THSD7B: variants seen among roughly 807,000 people sequenced by gnomAD.
The protein encoded by THSD7B is thrombospondin type 1 domain containing 7B.
A neutral mutation model predicts 213.6 loss-of-function variants in THSD7B; 138 were observed. That is an observed-to-expected ratio of 0.65 (90% CI 0.56 to 0.74). The LOEUF is 0.74. Ranked by LOEUF, THSD7B falls within the 30% of genes least tolerant of loss-of-function variation. THSD7B has a pLI of 0.00. For missense variants in THSD7B, 1,931 were observed against 1,991.5 expected, an observed-to-expected ratio of 0.97 and a Z score of 0.58; for synonymous variants, 742 against 687.0, an observed-to-expected ratio of 1.08 and a Z score of -1.25.
At chr2:137,325,085 G>T (rs188700835) in intron 12 of THSD7B, among the ~76,000 whole-genome samples, 1 of 152,362 alleles carries the variant, frequency 6.6e-6, no homozygotes, top group African/African-American at 2.4e-5. Flanking sequence ...GCTATAGAAA[G>T]AAGTCACTGG....
intron 5 of THSD7B, among the ~76,000 whole-genome samples, chr2:137,156,846 G>T (rs1385814596): frequency 6.6e-6 from 1 of 152,160 alleles, no homozygotes; most frequent in Non-Finnish European, 1.5e-5. Flanking sequence ...TTGAACTGCA[G>T]GGCCCAACAT....
chr2:136,969,273 T>A (rs1044465740), intron 2 of THSD7B, among the ~76,000 whole-genome samples: 2 of 152,172 alleles, frequency 1.3e-5, no homozygotes, highest in Admixed American at 1.3e-4. Context: ...GTCTCTTTAG[T>A]GAGAAATGTC....
At chr2:137,419,760 T>G (rs184360831) in intron 14 of THSD7B, among the ~76,000 whole-genome samples, 100 of 151,998 alleles carry the variant, frequency 6.6e-4, no homozygotes, top group South Asian at 1.5e-3. Context: ...TACCCAGGAC[T>G]GTCTTCAGCT....
At chr2:137,281,039 G>C (rs1282144098) in intron 12 of THSD7B, among the ~76,000 whole-genome samples, 1 of 152,146 alleles carries the variant, frequency 6.6e-6, no homozygotes, top group Admixed American at 6.6e-5. Flanking sequence ...AATGGATACA[G>C]AGTAGGTACT....
At chr2:137,023,796 G>A (rs1686491570) in intron 2 of THSD7B, among the ~76,000 whole-genome samples, 1 of 152,098 alleles carries the variant, frequency 6.6e-6, no homozygotes, top group Non-Finnish European at 1.5e-5. Context: ...GTTTGTAGTT[G>A]GAGGAATTGT....
chr2:137,305,985 T>C (rs1358641494), intron 12 of THSD7B, among the ~76,000 whole-genome samples: 1 of 152,020 alleles, frequency 6.6e-6, no homozygotes, highest in Admixed American at 6.6e-5. Flanking sequence ...AAAGGTACAA[T>C]AAAATATAGT....
chr2:137,523,461 A>T (rs1185930692), intron 15 of THSD7B, among the ~76,000 whole-genome samples: 1 of 152,210 alleles, frequency 6.6e-6, no homozygotes, highest in African/African-American at 2.4e-5. Context: ...ACAGAAAAGG[A>T]AGGGAACTGG....
At chr2:137,088,828 C>A (rs528270364) in intron 3 of THSD7B, among the ~76,000 whole-genome samples, 1 of 152,128 alleles carries the variant, frequency 6.6e-6, no homozygotes, top group South Asian at 2.1e-4. Flanking sequence ...ATAGACAATT[C>A]TCAAAAGAAG....
At chr2:136,942,021 G>A (rs562711360) in intron 2 of THSD7B, among the ~76,000 whole-genome samples, 232 of 152,292 alleles carry the variant, frequency 1.5e-3, no homozygotes, top group African/African-American at 5.5e-3. Flanking sequence ...ATTAATTTTT[G>A]TATAAGGTGT....
At chr2:137,651,711 T>TA (rs1390882912) in intron 21 of THSD7B, among the ~76,000 whole-genome samples, 3 of 152,202 alleles carry the variant, frequency 2.0e-5, no homozygotes, top group African/African-American at 7.2e-5. Flanking sequence ...ACTTCCCTCT[T>TA]AATACTGCTT....
At chr2:137,107,877 A>G (rs1410373459) in intron 4 of THSD7B, among the ~76,000 whole-genome samples, 7 of 152,204 alleles carry the variant, frequency 4.6e-5, no homozygotes, top group African/African-American at 1.4e-4. Flanking sequence ...CACTTTATCC[A>G]ATAAAAAATT....
intron 1 of THSD7B, among the ~76,000 whole-genome samples, chr2:136,837,825 AC>A (rs1192215742): frequency 7.2e-5 from 11 of 152,094 alleles, no homozygotes; most frequent in African/African-American, 2.4e-4. Flanking sequence ...ATATCCTCCT[AC>A]CTTGCAATTA....
At chr2:136,956,974 A>C (rs969135174) in intron 2 of THSD7B, among the ~76,000 whole-genome samples, 3 of 152,208 alleles carry the variant, frequency 2.0e-5, no homozygotes, top group Admixed American at 6.5e-5. Flanking sequence ...CACCGTGTCC[A>C]GCCCCCATAA....
chr2:137,625,484 A>T (rs1477276632), intron 20 of THSD7B, among the ~76,000 whole-genome samples: 2 of 151,890 alleles, frequency 1.3e-5, no homozygotes, highest in Non-Finnish European at 2.9e-5. Flanking sequence ...TTAAAAAAAA[A>T]AATAGAAAAA....
intron 12 of THSD7B, among the ~76,000 whole-genome samples, chr2:137,367,647 C>T (rs1440147783): frequency 6.6e-6 from 1 of 152,048 alleles, no homozygotes; most frequent in African/African-American, 2.4e-5. Flanking sequence ...GACTGAGTGG[C>T]AAAAACAACA....
At chr2:137,561,382 CAG>C (rs1389092980) in intron 15 of THSD7B, among the ~76,000 whole-genome samples, 1 of 152,138 alleles carries the variant, frequency 6.6e-6, no homozygotes, top group Non-Finnish European at 1.5e-5. Flanking sequence ...ACTTTCATTT[CAG>C]AGAGTTTATC....
chr2:137,512,558 A>G (rs1234356024), intron 15 of THSD7B, among the ~76,000 whole-genome samples: 1 of 151,206 alleles, frequency 6.6e-6, no homozygotes, highest in Non-Finnish European at 1.5e-5. Flanking sequence ...CTCTCAGCTA[A>G]TTTTTTGTAT....
chr2:137,103,131 C>T (rs1009802692), intron 4 of THSD7B, among the ~76,000 whole-genome samples: 7 of 152,064 alleles, frequency 4.6e-5, no homozygotes, highest in African/African-American at 1.2e-4. Flanking sequence ...TGAGGGCAGC[C>T]GGAGAGAAAG....
intron 2 of THSD7B, among the ~76,000 whole-genome samples, chr2:136,951,908 C>T (rs561864070): frequency 5.8e-4 from 88 of 152,228 alleles, no homozygotes; most frequent in African/African-American, 2.0e-3. Context: ...CTAGCTCTGT[C>T]GCCCAGGCTC....
Sources: allele counts gnomAD v4.1 joint callset (sites outside exome capture counted in the v4.1 genomes callset), GRCh38; gene constraint gnomAD v4.1.1; transcripts MANE v1.5; gene names NCBI Gene and HGNC (gene_info 2026-07-23, HGNC 2026-07-21).